The following EFCAB11 variants were observed in gnomAD, a reference collection of about 807,000 sequenced individuals.
EFCAB11 encodes the protein EF-hand calcium binding domain 11.
EFCAB11 carries 14 observed loss-of-function variants against 23.0 expected under a neutral mutation model. The ratio of observed to expected loss-of-function variants is 0.61; its 90% confidence interval spans 0.40 to 0.95. The LOEUF (loss-of-function observed/expected upper bound fraction) is 0.95. Among genes scored for constraint, EFCAB11 ranks in the 40% least tolerant of loss-of-function variants. The probability of loss-of-function intolerance (pLI) is 0.00; values close to 1 mark genes in which losing one functional copy is unlikely to be tolerated. For missense variants in EFCAB11, 198 were observed against 195.8 expected (o/e 1.01, Z -0.07); for synonymous variants, 65 against 66.6 (o/e 0.98, Z 0.11).
Position 89,806,602 on chromosome 14 carries a change from C to T in EFCAB11, c.411-9278G>A, listed in dbSNP as rs144314228. 1.6e-3 allele frequency among the ~76,000 whole-genome samples: 237 copies of T among 152,298 alleles called. 1 individual carries two copies. The highest frequency in any genetic ancestry group is 2.7e-3 in the Non-Finnish European group (183 of 68,028). ...TCACTAAGATCTTCCATTCTTCCCC[C>T]CATGCCGTAAATATGCAACTACCAC... is the stretch of plus-strand genomic sequence containing the variant. On this transcript the variant is annotated intron_variant, in intron 5 of 5. Transcript: ENST00000316738.
intron 3 of EFCAB11, among the ~76,000 whole-genome samples, chr14:89,935,956 C>G (rs796126669): frequency 6.6e-6 from 1 of 151,790 alleles, no homozygotes; most frequent in Non-Finnish European, 1.5e-5. Flanking sequence ...TGCGGTGAGC[C>G]GAGATCGTGC....
intron 5 of EFCAB11, among the ~76,000 whole-genome samples, chr14:89,917,053 CGTGTGTGTGTGTGTGTGTGTGT>C (rs71107570): frequency 7.3e-6 from 1 of 136,628 alleles, no homozygotes; most frequent in South Asian, 2.3e-4. Flanking sequence ...TGACATGCTT[CGTGTGTGTGTGTGTGTGTGTGT>C]GTGTGTGTGT....
chr14:89,916,094 C>G (rs1442527220), intron 5 of EFCAB11, among the ~76,000 whole-genome samples: 1 of 151,824 alleles, frequency 6.6e-6, no homozygotes, highest in Non-Finnish European at 1.5e-5. Flanking sequence ...AATAAATACC[C>G]CTGAAGAACA....
At chr14:89,917,509 T>C (rs1473742139) in intron 5 of EFCAB11, among the ~76,000 whole-genome samples, 1 of 152,218 alleles carries the variant, frequency 6.6e-6, no homozygotes, top group Non-Finnish European at 1.5e-5. Flanking sequence ...GCACTTAATA[T>C]GGGTTTCCAT....
intron 5 of EFCAB11, among the ~76,000 whole-genome samples, chr14:89,802,668 T>C (rs144428916): frequency 1.6e-3 from 240 of 152,290 alleles, no homozygotes; most frequent in African/African-American, 5.6e-3. Context: ...GCTGGGATTA[T>C]AGGCGTGAGC....
chr14:89,818,261 A>G (rs1184971857), intron 5 of EFCAB11, among the ~76,000 whole-genome samples: 1 of 152,224 alleles, frequency 6.6e-6, no homozygotes, highest in African/African-American at 2.4e-5. Flanking sequence ...AGTGAAATAT[A>G]ACTGTAATGT....
intron 5 of EFCAB11, among the ~76,000 whole-genome samples, chr14:89,873,443 C>T (rs558903509): frequency 6.6e-6 from 1 of 152,318 alleles, no homozygotes; most frequent in African/African-American, 2.4e-5. Flanking sequence ...CATGTCTTCA[C>T]ATTTCAAAAC....
chr14:89,832,858 G>C (rs1886931309), intron 5 of EFCAB11, among the ~76,000 whole-genome samples: 1 of 152,034 alleles, frequency 6.6e-6, no homozygotes, highest in Admixed American at 6.5e-5. Context: ...CAACACCACT[G>C]TAACGCTGAA....
intron 5 of EFCAB11, among the ~76,000 whole-genome samples, chr14:89,809,048 G>A (rs1349554480): frequency 1.3e-5 from 2 of 152,192 alleles, no homozygotes; most frequent in Admixed American, 1.3e-4. Context: ...ATGGAGATGG[G>A]AGAAGAAAAA....
chr14:89,953,979 T>C lies in EFCAB11; in HGVS notation c.98A>G (p.Asp33Gly). 6.2e-7 allele frequency: 1 copy of C among 1,613,524 alleles called. No homozygotes were observed. The highest frequency in any genetic ancestry group is 8.5e-7 in the Non-Finnish European group (1 of 1,179,914). ...CTCTCTGCTGAGATATCCTTTGTGA[T>C]CTTCATCACATGCTTTAAATACCTG... ...WVEVFKACDE[D>G]HKGYLSREDF... The change falls in exon 2 of 6, where the codon GAT becomes GGT. Residue 33 changes from aspartate (D) to glycine (G), a missense_variant. Physicochemically the swap from Asp to Gly is moderately conservative, Grantham distance 94. Coordinates refer to ENST00000316738, the MANE Select transcript of EFCAB11 (RefSeq NM_145231.4).
chr14:89,937,328 T>C (rs1021573639), intron 3 of EFCAB11, among the ~76,000 whole-genome samples: 1 of 152,192 alleles, frequency 6.6e-6, no homozygotes, highest in Non-Finnish European at 1.5e-5. Flanking sequence ...CTTCCCATTC[T>C]TCCCTATCCA....
chr14:89,850,678 G>A (rs1402399529), intron 5 of EFCAB11, among the ~76,000 whole-genome samples: 1 of 152,194 alleles, frequency 6.6e-6, no homozygotes, highest in African/African-American at 2.4e-5. Context: ...GTATGTGTGT[G>A]TGTATGAATT....
intron 5 of EFCAB11, among the ~76,000 whole-genome samples, chr14:89,895,158 G>T (rs1681946560): frequency 6.6e-6 from 1 of 152,164 alleles, no homozygotes; most frequent in Admixed American, 6.5e-5. Flanking sequence ...AAGAAATACA[G>T]CGTAAGTGAA....
chr14:89,911,526 G>A (rs561764048), intron 5 of EFCAB11, among the ~76,000 whole-genome samples: 1 of 152,360 alleles, frequency 6.6e-6, no homozygotes, highest in Non-Finnish European at 1.5e-5. Flanking sequence ...CCAGGTCAAA[G>A]ATGAGAAATT....
chr14:89,932,199 T>A (rs1890413980), intron 4 of EFCAB11, among the ~76,000 whole-genome samples: 1 of 152,052 alleles, frequency 6.6e-6, no homozygotes. Flanking sequence ...GAGCAAGAGT[T>A]GATGAAGAAG....
chr14:89,829,354 G>A (rs555109274), intron 5 of EFCAB11, among the ~76,000 whole-genome samples: 1 of 152,174 alleles, frequency 6.6e-6, no homozygotes, highest in South Asian at 2.1e-4. Context: ...TTAGGTAAAG[G>A]CTAGTGCGTT....
intron 3 of EFCAB11, among the ~76,000 whole-genome samples, chr14:89,947,648 A>C (rs1349481375): frequency 6.6e-6 from 1 of 152,116 alleles, no homozygotes; most frequent in Non-Finnish European, 1.5e-5. Context: ...CACCTTCCTC[A>C]TTAAAATATC....
chr14:89,812,750 C>A (rs766584793), intron 5 of EFCAB11, among the ~76,000 whole-genome samples: 1 of 152,202 alleles, frequency 6.6e-6, no homozygotes, highest in Non-Finnish European at 1.5e-5. Flanking sequence ...TAGATCATCA[C>A]CCCATGCTAT....
intron 5 of EFCAB11, among the ~76,000 whole-genome samples, chr14:89,859,878 G>C (rs1220597515): frequency 6.6e-6 from 1 of 152,166 alleles, no homozygotes; most frequent in Non-Finnish European, 1.5e-5. Flanking sequence ...ATATAGTATA[G>C]CCATGCATTC....
Sources: gnomAD v4.1 joint callset for allele counts (sites outside exome capture counted in the v4.1 genomes callset) on GRCh38, gnomAD v4.1.1 for gene constraint, MANE v1.5 for transcripts, NCBI Gene and HGNC (gene_info 2026-07-23, HGNC 2026-07-21) for gene names.